The following SV2C variants were observed in gnomAD, a reference collection of about 807,000 sequenced individuals.
The protein encoded by SV2C is solute carrier family 22 member B3.
A neutral mutation model predicts 79.7 loss-of-function variants in SV2C; 49 were observed. That is an observed-to-expected ratio of 0.61 (90% confidence interval 0.49 to 0.78). The LOEUF (loss-of-function observed/expected upper bound fraction) is 0.78. Among genes scored for constraint, SV2C ranks in the 30% least tolerant of loss-of-function variants. The pLI, the probability that SV2C is intolerant of heterozygous loss-of-function variation, is 0.00. For missense variants in SV2C, 833 were observed against 912.9 expected (o/e 0.91, Z 1.13); for synonymous variants, 334 against 333.2 (o/e 1.00, Z -0.03).
chr5:76,157,098 A>T (rs1580314306), intron 2 of SV2C, among the ~76,000 whole-genome samples: 1 of 152,242 alleles, frequency 6.6e-6, no homozygotes, highest in East Asian at 1.9e-4. Flanking sequence ...ATTAGCAAAC[A>T]CAAAGAGGTC....
chr5:76,192,770 A>C (rs921817364), intron 2 of SV2C, among the ~76,000 whole-genome samples: 2 of 152,208 alleles, frequency 1.3e-5, no homozygotes, highest in Non-Finnish European at 2.9e-5. Flanking sequence ...GGAACAGTTT[A>C]GTTTTCAATA....
chr5:76,005,122 T>C, the SV2C span, among the ~76,000 whole-genome samples: 1 of 152,236 alleles, frequency 6.6e-6, no homozygotes, highest in Non-Finnish European at 1.5e-5. Context: ...CCAGGGTTTC[T>C]CTGAGGTGAC....
intron 4 of SV2C, among the ~76,000 whole-genome samples, chr5:76,245,936 ATGTGTGTGTGTG>A (rs60767964): frequency 2.3e-5 from 3 of 129,048 alleles, no homozygotes; most frequent in Admixed American, 7.8e-5. Flanking sequence ...GTGTGTGTGT[ATGTGTGTGTGTG>A]TGTGTGTGTG....
Position 76,249,295 on chromosome 5 carries a change from A to G in SV2C, c.914-35867A>G, listed in dbSNP as rs188288087. Among the ~76,000 whole-genome samples, 39 of 152,314 alleles carry G rather than the reference A, an allele frequency of 2.6e-4. No individual in the cohort carries two copies. The Middle Eastern group carries it at 0.014, about 53-fold the overall frequency. ...AATGTTAAGTGGGTGGTTCTGTAGT[A>G]GATTTTGTTTACTCTAGAGCCCATT... On this transcript the variant is annotated intron_variant, in intron 4 of 12. Transcript: ENST00000502798.
chr5:75,944,901 T>C, the SV2C span, among the ~76,000 whole-genome samples: 16 of 152,120 alleles, frequency 1.1e-4, no homozygotes, highest in East Asian at 3.1e-3. Flanking sequence ...CCAAAAAAGA[T>C]GGACTGTCTT....
At chr5:76,057,236 T>G in the SV2C span, among the ~76,000 whole-genome samples, 27 of 151,576 alleles carry the variant, frequency 1.8e-4, 1 homozygote, top group South Asian at 4.6e-3. Flanking sequence ...AAGTTTTTTG[T>G]TTTTTTTTAT....
chr5:75,930,553 A>G, the SV2C span, among the ~76,000 whole-genome samples: 5 of 152,224 alleles, frequency 3.3e-5, no homozygotes, highest in African/African-American at 1.2e-4. Flanking sequence ...CATTAGGCAG[A>G]TTCTCTAGAA....
At chr5:76,020,491 T>C in the SV2C span, among the ~76,000 whole-genome samples, 3 of 152,184 alleles carry the variant, frequency 2.0e-5, no homozygotes, top group Non-Finnish European at 2.9e-5. Flanking sequence ...CGCATGATCA[T>C]TCGAAGCCAC....
intron 1 of SV2C, among the ~76,000 whole-genome samples, chr5:76,095,072 A>G (rs1747509149): frequency 6.6e-6 from 1 of 151,942 alleles, no homozygotes; most frequent in Non-Finnish European, 1.5e-5. Flanking sequence ...TAGAGATTTT[A>G]TAGTTTTACA....
At chr5:76,148,669 G>T (rs763323385) in intron 2 of SV2C, among the ~76,000 whole-genome samples, 3 of 152,094 alleles carry the variant, frequency 2.0e-5, no homozygotes, top group Non-Finnish European at 4.4e-5. Flanking sequence ...GCCCAGGCTG[G>T]TCTTGAACTC....
At position 76,346,291 on chromosome 5, in the gene SV2C, ATTTG is replaced by A. The variant is rs1390516304; in HGVS notation, c.2001-6835_2001-6832del. Among the ~76,000 whole-genome samples, 18 of 152,306 alleles carry A rather than the reference ATTTG, an allele frequency of 1.2e-4. No homozygotes were observed. In the East Asian group the frequency reaches 3.3e-3, roughly 28 times the overall value. On this transcript the variant is annotated intron_variant, in intron 12 of 12. Coordinates refer to the SV2C transcript ENST00000322285. ...ATTTGTTACCTTTGTTTTTAATGTAATTTGTTTAATTTTAAGTTTATATAACTTA... is the reference window on the plus strand; with the variant it reads ...ATTTGTTACCTTTGTTTTTAATGTAATTTAATTTTAAGTTTATATAACTTA...
intron 3 of SV2C, 127 bp from the exon 4 acceptor site, chr5:76,209,609 T>C: frequency 1.1e-6 from 1 of 911,582 alleles, no homozygotes; most frequent in South Asian, 2.3e-5. Context: ...ATAGAAAATA[T>C]ATGTTTGTTG....
intron 2 of SV2C, among the ~76,000 whole-genome samples, chr5:76,146,799 A>T (rs1313730901): frequency 0.013 from 1,624 of 120,858 alleles, 8 homozygotes; most frequent in Non-Finnish European, 0.02. Flanking sequence ...TTTTTTTTTA[A>T]AAAAAAAAAA....
At chr5:76,345,476 C>G (rs888633878) in intron 12 of SV2C, among the ~76,000 whole-genome samples, 1 of 152,112 alleles carries the variant, frequency 6.6e-6, no homozygotes, top group African/African-American at 2.4e-5. Context: ...GGCAGAAGTT[C>G]TGACATTATC....
At chr5:75,955,594 C>T in the SV2C span, among the ~76,000 whole-genome samples, 3 of 145,464 alleles carry the variant, frequency 2.1e-5, no homozygotes, top group African/African-American at 7.8e-5. Context: ...AAACTACCAT[C>T]AGAGTGAACA....
At chr5:75,881,967 G>A in the SV2C span, among the ~76,000 whole-genome samples, 13 of 148,052 alleles carry the variant, frequency 8.8e-5, no homozygotes, top group African/African-American at 2.6e-4. Flanking sequence ...TTTGAAATAC[G>A]TCCCATCAAT....
intron 4 of SV2C, 141 bp from the exon 5 acceptor site, chr5:76,285,021 T>A: frequency 8.0e-7 from 1 of 1,248,880 alleles, no homozygotes; most frequent in Non-Finnish European, 1.1e-6. Context: ...CTGGCCACCA[T>A]GGATGATGCC....
the SV2C span, among the ~76,000 whole-genome samples, chr5:75,938,243 C>T: frequency 6.6e-6 from 1 of 152,124 alleles, no homozygotes; most frequent in South Asian, 2.1e-4. Context: ...TATCTAACTA[C>T]ACTGTGGTAA....
chr5:76,260,519 T>G (rs1233885606), intron 4 of SV2C, among the ~76,000 whole-genome samples: 1 of 152,244 alleles, frequency 6.6e-6, no homozygotes. Flanking sequence ...TCTATGCCCA[T>G]GCCTATGTAC....
Sources: allele counts gnomAD v4.1 joint callset (sites outside exome capture counted in the v4.1 genomes callset), GRCh38; gene constraint gnomAD v4.1.1; transcripts MANE v1.5; gene names NCBI Gene and HGNC (gene_info 2026-07-23, HGNC 2026-07-21).